Variants in PCDH15 observed in about 807,000 individuals in gnomAD.
PCDH15 encodes the protein protocadherin related 15, also known as protocadherin-15.
In PCDH15, 129 loss-of-function variants were observed where a neutral mutation model predicts 178.5. The ratio of observed to expected loss-of-function variants is 0.72; its 90% CI spans 0.63 to 0.84. The LOEUF (loss-of-function observed/expected upper bound fraction) is 0.84, where lower values mean the gene tolerates loss of function less well. PCDH15 is among the 40% of genes least tolerant of loss of function. The pLI is 0.00. For synonymous variants in PCDH15, 800 were observed against 732.0 expected (o/e 1.09, Z -1.50); for missense variants, 2,230 against 2,099.9 (o/e 1.06, Z -1.21).
chr10:55,323,384 T>G (rs1843953978), upstream of PCDH15, among the ~76,000 whole-genome samples: 1 of 152,170 alleles, frequency 6.6e-6, no homozygotes, highest in African/African-American at 2.4e-5. Flanking sequence ...GTAGATCCAC[T>G]GACAGCTTCT....
In PCDH15 at chr10:55,484,948, G is replaced by A. The variant is rs1840265805; in HGVS notation, c.-156+142677C>T. ...GAAACTACTAGAAAAAAATAACATA[G>A]GAAAACACTTCATGATATTGTTCTG... On this transcript the variant is annotated intron_variant, in intron 2 of 5. Transcript: ENST00000613346. Among the ~76,000 whole-genome samples the A allele has an allele frequency of 3.3e-5, 5 of 151,588 alleles. No individual in the cohort carries two copies. The South Asian group carries it at 1.0e-3, about 31-fold the overall frequency.
chr10:55,129,954 T>C lies in PCDH15; in HGVS notation c.-80+36622A>G, dbSNP rs150407827. Among the ~76,000 whole-genome samples, 169 of 152,264 alleles carry C rather than the reference T, an allele frequency of 1.1e-3. 1 individual carries two copies. The highest frequency in any genetic ancestry group is 3.8e-3 in the African/African-American group (158 of 41,576). ...CTATATATTGAAATTACCTGGTTAA[T>C]TTAGAAAATTCCACCTGTTCAGTCA... On this transcript the variant is annotated intron_variant, in intron 2 of 5. Coordinates refer to the PCDH15 transcript ENST00000458638.
intron 2 of PCDH15, among the ~76,000 whole-genome samples, chr10:55,528,983 A>G (rs566550498): frequency 1.3e-5 from 2 of 152,054 alleles, no homozygotes; most frequent in Non-Finnish European, 2.9e-5. Flanking sequence ...GCTAGTGATG[A>G]TGAGCATTTT....
chr10:55,532,199 T>A (rs1420444819), intron 2 of PCDH15, among the ~76,000 whole-genome samples: 3 of 152,034 alleles, frequency 2.0e-5, no homozygotes, highest in Non-Finnish European at 2.9e-5. Context: ...AGCATATTGG[T>A]ACACAATAAT....
At chr10:54,597,199 T>C (rs1171258011) in intron 2 of PCDH15, among the ~76,000 whole-genome samples, 2 of 151,962 alleles carry the variant, frequency 1.3e-5, no homozygotes, top group Non-Finnish European at 2.9e-5. Context: ...CAATCAAACA[T>C]AAAGCAATCC....
intron 2 of PCDH15, among the ~76,000 whole-genome samples, chr10:55,520,377 A>C (rs1173765783): frequency 7.0e-6 from 1 of 143,082 alleles, no homozygotes; most frequent in Non-Finnish European, 1.5e-5. Flanking sequence ...AAAACTCAAA[A>C]CTCAGTAGTT....
intron 1 of PCDH15, among the ~76,000 whole-genome samples, chr10:55,249,466 G>A (rs1841776305): frequency 6.6e-6 from 1 of 152,050 alleles, no homozygotes. Flanking sequence ...AATACAAATT[G>A]GGAGAAGACA....
At chr10:55,167,185 C>T (rs1481769649) in intron 1 of PCDH15, among the ~76,000 whole-genome samples, 2 of 152,126 alleles carry the variant, frequency 1.3e-5, no homozygotes, top group African/African-American at 4.8e-5. Context: ...ACAATCACAG[C>T]TCACTGCAGC....
At chr10:55,466,176 G>A (rs1206681470) in intron 2 of PCDH15, among the ~76,000 whole-genome samples, 1 of 152,152 alleles carries the variant, frequency 6.6e-6, no homozygotes, top group African/African-American at 2.4e-5. Context: ...TACAAACATG[G>A]ATGAAGTGAT....
chr10:54,639,012 G>A (rs755008524), intron 2 of PCDH15, among the ~76,000 whole-genome samples: 48 of 152,090 alleles, frequency 3.2e-4, no homozygotes, highest in Non-Finnish European at 5.0e-4. Flanking sequence ...TATACAGAGT[G>A]ATATAATAAA....
intron 3 of PCDH15, among the ~76,000 whole-genome samples, chr10:54,459,452 GT>G (rs1469709155): frequency 6.6e-6 from 1 of 151,960 alleles, no homozygotes; most frequent in African/African-American, 2.4e-5. Flanking sequence ...TATATAAGTT[GT>G]TTTGCATGAA....
chr10:55,121,541 A>G (rs1837773251), intron 2 of PCDH15, among the ~76,000 whole-genome samples: 1 of 152,098 alleles, frequency 6.6e-6, no homozygotes. Flanking sequence ...GGCCCATGGG[A>G]AGACCATCAT....
chr10:54,055,873 C>T (rs2093875603), intron 18 of PCDH15, among the ~76,000 whole-genome samples: 1 of 152,332 alleles, frequency 6.6e-6, no homozygotes, highest in South Asian at 2.1e-4. Context: ...CTAACCCAGA[C>T]TGATGATTGA....
At position 54,407,030 on chromosome 10, in the gene PCDH15, A is replaced by G. The variant is rs146689880; in HGVS notation, c.158-28088T>C. ...ATACACAAAACTCTATGACAACTCA[A>G]TAACATAAGGACAAATTTTAAAGTG... On this transcript the variant is annotated intron_variant, in intron 3 of 37. Coordinates refer to ENST00000644397, the MANE Select transcript of PCDH15 (RefSeq NM_001384140.1). Among the ~76,000 whole-genome samples, 3 of 152,314 alleles carry G rather than the reference A, an allele frequency of 2.0e-5. No homozygotes were observed. In the East Asian group the frequency reaches 5.8e-4, roughly 29 times the overall value.
At chr10:55,278,124 T>A (rs1001801762) in intron 1 of PCDH15, among the ~76,000 whole-genome samples, 2 of 152,174 alleles carry the variant, frequency 1.3e-5, no homozygotes, top group Admixed American at 6.5e-5. Flanking sequence ...TATGTTAATA[T>A]GCGGTTGAGA....
intron 2 of PCDH15, among the ~76,000 whole-genome samples, chr10:54,553,474 A>T (rs1221788064): frequency 3.3e-5 from 5 of 152,160 alleles, no homozygotes; most frequent in Admixed American, 6.5e-5. Context: ...GAAAATGTTA[A>T]TGTTTGATTT....
At chr10:54,205,452 T>G (rs917380503) in intron 10 of PCDH15, among the ~76,000 whole-genome samples, 2 of 148,588 alleles carry the variant, frequency 1.3e-5, no homozygotes, top group Admixed American at 6.8e-5. Context: ...CAACAGTAAT[T>G]GGTAACAGGT....
chr10:55,275,187 C>A (rs1401771705), intron 1 of PCDH15, among the ~76,000 whole-genome samples: 1 of 151,930 alleles, frequency 6.6e-6, no homozygotes, highest in Admixed American at 6.6e-5. Context: ...GGTATTTTTT[C>A]AAATTTATTC....
At chr10:55,106,465 G>T (rs945062454) in intron 2 of PCDH15, among the ~76,000 whole-genome samples, 1 of 152,204 alleles carries the variant, frequency 6.6e-6, no homozygotes, top group South Asian at 2.1e-4. Flanking sequence ...CCAGGCTGGA[G>T]TGCAGTGGCG....
Sources: gnomAD v4.1 joint callset for allele counts (sites outside exome capture counted in the v4.1 genomes callset) on GRCh38, gnomAD v4.1.1 for gene constraint, MANE v1.5 for transcripts, NCBI Gene and HGNC (gene_info 2026-07-23, HGNC 2026-07-21) for gene names.